The following RNASEH2B variants were observed in gnomAD, a reference collection of about 807,000 sequenced individuals.
The protein encoded by RNASEH2B is Aicardi-Goutieres syndrome 2 protein.
RNASEH2B carries 36 observed loss-of-function variants against 45.0 expected under a neutral mutation model. That is an observed-to-expected ratio of 0.80 (90% CI 0.61 to 1.06). RNASEH2B has a LOEUF of 1.06. RNASEH2B is among the 50% of genes least tolerant of loss of function. The probability of loss-of-function intolerance (pLI) is 0.00; values close to 1 mark genes in which losing one functional copy is unlikely to be tolerated. For missense variants in RNASEH2B, 361 were observed against 360.3 expected, an observed-to-expected ratio of 1.00 and a Z score of -0.02; for synonymous variants, 119 against 125.7, an observed-to-expected ratio of 0.95 and a Z score of 0.35.
chr13:50,934,795 C>T, intron 4 of RNASEH2B, 90 bp from the exon 5 acceptor site: 1 of 890,042 alleles, frequency 1.1e-6, no homozygotes, highest in East Asian at 2.6e-5. Context: ...AGTTTAAAGG[C>T]CCAGCCATGA....
At chr13:50,915,171 T>G (rs1314449232) in intron 1 of RNASEH2B, 7 of 353,118 alleles carry the variant, frequency 2.0e-5, no homozygotes, top group Non-Finnish European at 3.5e-5. Context: ...AAATATTTAC[T>G]GAACGAATAA....
intron 9 of RNASEH2B, chr13:50,950,233 A>G (rs1211283208): frequency 2.6e-5 from 4 of 152,292 alleles, no homozygotes; most frequent in Non-Finnish European, 4.4e-5. Flanking sequence ...CCAGCAAAGT[A>G]ACGGATGCCT....
rs1334263807 is a variant in RNASEH2B at position 50,910,076 on chromosome 13, C to T, written c.-1C>T. 4 of 1,463,224 alleles carry T rather than the reference C, an allele frequency of 2.7e-6. No individual in the cohort carries two copies. Among genetic ancestry groups the T allele is most frequent in the South Asian group, 1.3e-5 (1 of 74,478 alleles). 90.6% of individuals were successfully genotyped at this position (1,463,224 alleles called of 1,614,324 possible). ...GCGGCGCCCCGGAAGAGGCGGGCGG[C>T]ATGGCCGCTGGCGTGGACTGCGGGG... On this transcript the variant is annotated 5_prime_UTR_variant, in exon 1 of 11. Coordinates refer to ENST00000336617, the MANE Select transcript of RNASEH2B (RefSeq NM_024570.4).
chr13:50,948,078 G>A lies in RNASEH2B; in HGVS notation c.698+10G>A. 1 of 1,609,864 alleles carries A rather than the reference G, an allele frequency of 6.2e-7. No homozygotes were observed. The highest frequency in any genetic ancestry group is 8.5e-7 in the Non-Finnish European group (1 of 1,178,804). Reference sequence around the variant, plus strand: ...TATCTAAATACTTAAAGTGAGTATTGATTATCTTCAGTCATAATGAAGTAC... The same window carrying A: ...TATCTAAATACTTAAAGTGAGTATTAATTATCTTCAGTCATAATGAAGTAC... On this transcript the variant is annotated intron_variant, in intron 8 of 10. Coordinates refer to ENST00000336617, the MANE Select transcript of RNASEH2B (RefSeq NM_024570.4).
intron 1 of RNASEH2B, among the ~76,000 whole-genome samples, chr13:50,915,123 T>G (rs894701756): frequency 2.6e-5 from 4 of 152,180 alleles, no homozygotes; most frequent in Non-Finnish European, 5.9e-5. Context: ...CACCTCAAGC[T>G]TTTAGCCCTG....
chr13:50,954,153 A>T (rs139840761), intron 10 of RNASEH2B, 168 bp downstream of exon 10: 1 of 668,844 alleles, frequency 1.5e-6, no homozygotes, highest in Middle Eastern at 2.4e-4. Flanking sequence ...GACAATGAAA[A>T]TGTTAAGCAA....
chr13:50,964,351 A>G (rs1176732901), intron 9 of RNASEH2B, among the ~76,000 whole-genome samples: 2 of 152,188 alleles, frequency 1.3e-5, no homozygotes, highest in African/African-American at 4.8e-5. Context: ...TCATTTCACT[A>G]TACTACTAAC....
chr13:50,965,887 A>G (rs573890399), intron 9 of RNASEH2B, among the ~76,000 whole-genome samples: 28 of 152,312 alleles, frequency 1.8e-4, no homozygotes, highest in African/African-American at 6.7e-4. Flanking sequence ...TTGAGAATAT[A>G]TGTGGTTTTT....
At chr13:50,911,251 C>T (rs1879373594) in intron 1 of RNASEH2B, 1 of 152,154 alleles carries the variant, frequency 6.6e-6, no homozygotes, top group South Asian at 2.1e-4. Flanking sequence ...AGAGTGTACC[C>T]TTTGTGTCTG....
chr13:50,944,044 C>CAGGACGGGATGGGAT (rs1951866596), intron 6 of RNASEH2B, among the ~76,000 whole-genome samples: 2 of 103,914 alleles, frequency 1.9e-5, no homozygotes, highest in African/African-American at 7.4e-5. Context: ...CGTGATGGGA[C>CAGGACGGGATGGGAT]GGGACGGGAT....
chr13:50,966,966 A>G (rs1470952360), intron 9 of RNASEH2B, among the ~76,000 whole-genome samples: 1 of 152,240 alleles, frequency 6.6e-6, no homozygotes, highest in East Asian at 1.9e-4. Flanking sequence ...ACTAATTAAT[A>G]CAACATGGCA....
intron 1 of RNASEH2B, among the ~76,000 whole-genome samples, chr13:50,918,161 A>G (rs959844637): frequency 1.3e-5 from 2 of 152,092 alleles, no homozygotes; most frequent in African/African-American, 4.8e-5. Context: ...ATTTAGAGAC[A>G]GAGTCTCACT....
upstream of RNASEH2B, chr13:50,909,695 G>C (rs983617049): frequency 5.5e-6 from 1 of 182,278 alleles, no homozygotes; most frequent in African/African-American, 2.4e-5. Context: ...CTAGACCATG[G>C]AGGGCCGCTG....
At chr13:50,942,462 A>T (rs1951844611) in intron 5 of RNASEH2B, 1 of 152,176 alleles carries the variant, frequency 6.6e-6, no homozygotes, top group Admixed American at 6.5e-5. Context: ...CTGAGTAGTT[A>T]ACAAGATTTT....
At chr13:50,911,020 T>C (rs1371143993) in intron 1 of RNASEH2B, 1 of 152,212 alleles carries the variant, frequency 6.6e-6, no homozygotes, top group African/African-American at 2.4e-5. Context: ...TGACAGGCTG[T>C]CAATAATATT....
chr13:50,966,190 C>G (rs984764021), intron 9 of RNASEH2B, among the ~76,000 whole-genome samples: 1 of 152,132 alleles, frequency 6.6e-6, no homozygotes, highest in Non-Finnish European at 1.5e-5. Flanking sequence ...ACACACATAA[C>G]ACACATAAAC....
intron 9 of RNASEH2B, chr13:50,951,481 A>G (rs1951974844): frequency 6.6e-6 from 1 of 152,020 alleles, no homozygotes; most frequent in African/African-American, 2.4e-5. Flanking sequence ...TCAGCTTCCA[A>G]CCCTCACTTG....
chr13:50,929,750 G>T (rs1347622294), intron 3 of RNASEH2B, among the ~76,000 whole-genome samples, 168 bp downstream of exon 3: 1 of 152,136 alleles, frequency 6.6e-6, no homozygotes, highest in Non-Finnish European at 1.5e-5. Context: ...GATCATTTGA[G>T]CACTAAGGTT....
intron 10 of RNASEH2B, 64 bp downstream of exon 10, chr13:50,954,049 G>A: frequency 3.1e-6 from 3 of 978,786 alleles, no homozygotes; most frequent in Admixed American, 1.7e-5. Flanking sequence ...ATGAATACAT[G>A]AGGAACAGTT....
Sources: gnomAD v4.1 joint callset for allele counts (sites outside exome capture counted in the v4.1 genomes callset) on GRCh38, gnomAD v4.1.1 for gene constraint, MANE v1.5 for transcripts, NCBI Gene and HGNC (gene_info 2026-07-23, HGNC 2026-07-21) for gene names.